The following RANGAP1 variants were observed in gnomAD, a reference collection of about 807,000 sequenced individuals.
The protein encoded by RANGAP1 is ran GTPase-activating protein 1.
In RANGAP1, 38 loss-of-function variants were observed where a neutral mutation model predicts 63.5. The ratio of observed to expected loss-of-function variants is 0.60; its 90% CI spans 0.46 to 0.78. RANGAP1 has a LOEUF of 0.78. Ranked by LOEUF, RANGAP1 falls within the 30% of genes least tolerant of loss-of-function variation. The probability of loss-of-function intolerance (pLI) is 0.00; values close to 1 mark genes in which losing one functional copy is unlikely to be tolerated. For synonymous variants in RANGAP1, 329 were observed against 310.5 expected (o/e 1.06, Z -0.63); for missense variants, 630 against 740.3 (o/e 0.85, Z 1.73).
intron 2 of RANGAP1, among the ~76,000 whole-genome samples, chr22:41,276,916 G>A (rs2035179184): frequency 6.6e-6 from 1 of 150,574 alleles, no homozygotes; most frequent in South Asian, 2.1e-4. Context: ...GACCCAGGAG[G>A]CGGAGGTAGC....
chr22:41,298,990 C>T, the RANGAP1 span, among the ~76,000 whole-genome samples: 1 of 152,168 alleles, frequency 6.6e-6, no homozygotes, highest in Non-Finnish European at 1.5e-5. Flanking sequence ...GCTGTATCCT[C>T]ACCTGGCAGA....
At chr22:41,270,624 C>T (rs1159238957) in intron 3 of RANGAP1, among the ~76,000 whole-genome samples, 1 of 152,006 alleles carries the variant, frequency 6.6e-6, no homozygotes, top group Non-Finnish European at 1.5e-5. Flanking sequence ...ATTTTTGTAT[C>T]TTTTGTAGAG....
intron 1 of RANGAP1, 173 bp downstream of exon 1, chr22:41,285,813 G>A (rs1381561044): frequency 2.8e-6 from 2 of 717,070 alleles, no homozygotes; most frequent in African/African-American, 3.9e-5. Flanking sequence ...AAAGGAGCCA[G>A]CGCCGCTCAA....
chr22:41,282,774 C>T (rs1025284668), intron 1 of RANGAP1, among the ~76,000 whole-genome samples: 2 of 152,284 alleles, frequency 1.3e-5, no homozygotes, highest in South Asian at 2.1e-4. Flanking sequence ...GAACGTGGAA[C>T]ATCACTACAT....
At chr22:41,251,667 C>T (rs1441579111) in intron 12 of RANGAP1, among the ~76,000 whole-genome samples, 2 of 151,962 alleles carry the variant, frequency 1.3e-5, no homozygotes, top group East Asian at 1.9e-4. Flanking sequence ...TCCAGTGGTC[C>T]CCATCTTGTA....
chr22:41,249,025 C>G (rs528956527), intron 15 of RANGAP1, among the ~76,000 whole-genome samples: 1 of 152,302 alleles, frequency 6.6e-6, no homozygotes, highest in African/African-American at 2.4e-5. Context: ...AGCGTGTGAC[C>G]AAGGGAAACT....
chr22:41,253,967 G>A (rs1425117189), intron 11 of RANGAP1, among the ~76,000 whole-genome samples: 2 of 151,972 alleles, frequency 1.3e-5, no homozygotes, highest in Admixed American at 6.6e-5. Flanking sequence ...AATTAGCCAG[G>A]CGTGGTGGCA....
At chr22:41,247,808 G>A (rs1365238980) in intron 15 of RANGAP1, among the ~76,000 whole-genome samples, 1 of 152,246 alleles carries the variant, frequency 6.6e-6, no homozygotes, top group Non-Finnish European at 1.5e-5. Context: ...GCGCCAGGCC[G>A]GGCATCCCAG....
At chr22:41,270,164 C>T (rs1005959639) in intron 3 of RANGAP1, among the ~76,000 whole-genome samples, 13 of 150,702 alleles carry the variant, frequency 8.6e-5, no homozygotes, top group African/African-American at 2.9e-4. Flanking sequence ...TTTTTTAAGA[C>T]GGAGTTTCAC....
upstream of RANGAP1, among the ~76,000 whole-genome samples, chr22:41,287,278 A>C (rs1020881477): frequency 1.3e-5 from 2 of 152,214 alleles, no homozygotes; most frequent in African/African-American, 4.8e-5. Flanking sequence ...GCAAAATGTT[A>C]ATCAGTTAAT....
intron 11 of RANGAP1, 63 bp downstream of exon 11, chr22:41,254,245 G>A (rs1166931943): frequency 1.3e-6 from 2 of 1,591,502 alleles, no homozygotes; most frequent in East Asian, 2.2e-5. Flanking sequence ...CATTGTGAAA[G>A]TGCCTCGGGA....
At chr22:41,294,201 G>A in the RANGAP1 span, among the ~76,000 whole-genome samples, 259 of 152,330 alleles carry the variant, frequency 1.7e-3, 3 homozygotes, top group South Asian at 3.5e-3. Context: ...GAAGGCGTGC[G>A]CCGCCACGCC....
At chr22:41,267,164 C>T (rs1159123878) in intron 4 of RANGAP1, among the ~76,000 whole-genome samples, 1 of 152,142 alleles carries the variant, frequency 6.6e-6, no homozygotes, top group Non-Finnish European at 1.5e-5. Context: ...TAGGCGTGAG[C>T]CACCACGCCT....
chr22:41,259,882 T>G (rs1034652895), intron 6 of RANGAP1, among the ~76,000 whole-genome samples: 1 of 152,144 alleles, frequency 6.6e-6, no homozygotes, highest in Non-Finnish European at 1.5e-5. Context: ...GGTGCACACC[T>G]GTAGTCCCAG....
chr22:41,290,355 G>A (rs957143055), upstream of RANGAP1, among the ~76,000 whole-genome samples: 3 of 151,146 alleles, frequency 2.0e-5, no homozygotes, highest in African/African-American at 7.3e-5. Context: ...TAAGACTCCC[G>A]AGTAGCTGGG....
intron 2 of RANGAP1, chr22:41,280,684 T>A (rs1253586162): frequency 1.4e-6 from 2 of 1,438,538 alleles, no homozygotes; most frequent in South Asian, 2.4e-5. Context: ...TTACCTATCA[T>A]CCCCTCCTGA....
chr22:41,288,300 T>G (rs1313593048), upstream of RANGAP1, among the ~76,000 whole-genome samples: 1 of 152,204 alleles, frequency 6.6e-6, no homozygotes, highest in African/African-American at 2.4e-5. Context: ...CCTGGGACTC[T>G]GGGGCTCTTT....
the RANGAP1 span, among the ~76,000 whole-genome samples, chr22:41,302,261 G>T: frequency 1.3e-5 from 2 of 151,704 alleles, no homozygotes; most frequent in Non-Finnish European, 2.9e-5. The surrounding 1 kb of genome is among the most constrained non-coding windows in gnomAD (Gnocchi z 5.7). Context: ...GGAGTTGGAG[G>T]GGCCGCGGCG....
chr22:41,256,951 C>T (rs1197306528), intron 7 of RANGAP1, 127 bp from the exon 8 acceptor site: 5 of 681,690 alleles, frequency 7.3e-6, no homozygotes, highest in Non-Finnish European at 7.5e-6. Context: ...CTGCAAGTCA[C>T]CAGCTTTGCC....
Sources: allele counts gnomAD v4.1 joint callset (sites outside exome capture counted in the v4.1 genomes callset), GRCh38; gene constraint gnomAD v4.1.1; non-coding constraint Gnocchi (gnomAD v3.1); transcripts MANE v1.5; gene names NCBI Gene and HGNC (gene_info 2026-07-23, HGNC 2026-07-21).